EPS8L2: variants seen among roughly 807,000 people sequenced by gnomAD.
EPS8L2 encodes epidermal growth factor receptor kinase substrate 8-like protein 2.
Under a neutral mutation model 99.4 loss-of-function variants are expected in EPS8L2, and 81 were observed. The observed-to-expected ratio is 0.82, with a 90% CI of 0.68 to 0.98. The LOEUF (loss-of-function observed/expected upper bound fraction) is 0.98. Among genes scored for constraint, EPS8L2 ranks in the 50% least tolerant of loss-of-function variants. The pLI is 0.00. For missense variants in EPS8L2, 1,155 were observed against 968.8 expected, an observed-to-expected ratio of 1.19 and a Z score of -2.55; for synonymous variants, 509 against 407.3, an observed-to-expected ratio of 1.25 and a Z score of -3.01.
intron 4 of EPS8L2, among the ~76,000 whole-genome samples, chr11:716,148 T>G (rs1210452915): frequency 5.4e-5 from 8 of 147,864 alleles, no homozygotes; most frequent in Non-Finnish European, 9.0e-5. Flanking sequence ...AATTTTTGTG[T>G]GGGGTTTTTT....
intron 8 of EPS8L2, 37 bp from the exon 9 acceptor site, chr11:721,247 TG>T: frequency 7.2e-6 from 11 of 1,537,190 alleles, no homozygotes; most frequent in Non-Finnish European, 9.6e-6. Flanking sequence ...GGGCTCGTTG[TG>T]GGGGGCTCGG....
intron 4 of EPS8L2, among the ~76,000 whole-genome samples, chr11:715,025 A>C (rs553924064): frequency 2.0e-5 from 3 of 152,012 alleles, no homozygotes; most frequent in South Asian, 2.1e-4. Flanking sequence ...GGCAGATCAC[A>C]AGGTCAGGAG....
At position 724,443 on chromosome 11, in the gene EPS8L2, C is replaced by A. The variant is rs531515289; in HGVS notation, c.1455-281C>A. On this transcript the variant is annotated intron_variant, in intron 15 of 20. Coordinates refer to ENST00000318562, the MANE Select transcript of EPS8L2 (RefSeq NM_022772.4). The surrounding 1 kb of genome is among the most constrained non-coding windows in gnomAD (Gnocchi z 5.5). ...TCCCCTGGGGTGCCGGACTGGAGAC[C>A]CCTGAGGTGGCCTGGGATGGGCCAG... 22 of 470,968 alleles carry A rather than the reference C, an allele frequency of 4.7e-5. No individual in the cohort carries two copies. Among genetic ancestry groups the A allele is most frequent in the South Asian group, 3.6e-4 (16 of 44,800 alleles). 29.2% of individuals were successfully genotyped at this position (470,968 alleles called of 1,614,324 possible). A position where few individuals can be genotyped will look rare whatever the true frequency, so the allele number is the denominator to read the frequency against.
chr11:715,099 A>T (rs1048662891), intron 4 of EPS8L2, among the ~76,000 whole-genome samples: 2 of 152,104 alleles, frequency 1.3e-5, no homozygotes, highest in South Asian at 4.1e-4. Context: ...AAAATTAGCC[A>T]GGTGGGATGG....
chr11:726,248 C>CCGGGGG (rs1025758158), intron 18 of EPS8L2, 56 bp from the exon 19 acceptor site: 14 of 1,568,796 alleles, frequency 8.9e-6, no homozygotes, highest in African/African-American at 1.4e-5. Flanking sequence ...GGTCCCTGGG[C>CCGGGGG]CGGGGGCGGG....
chr11:716,502 C>A (rs933181170), intron 4 of EPS8L2, among the ~76,000 whole-genome samples: 2 of 152,156 alleles, frequency 1.3e-5, no homozygotes, highest in Non-Finnish European at 2.9e-5. Flanking sequence ...AGTGATCCAC[C>A]CTCCTTGGCC....
chr11:723,093 C>G (rs1295818767), intron 14 of EPS8L2, 148 bp from the exon 15 acceptor site: 1 of 575,908 alleles, frequency 1.7e-6, no homozygotes, highest in Non-Finnish European at 3.1e-6. Flanking sequence ...GGAGAGGCAA[C>G]CCATGCTGGC....
chr11:717,878 A>G (rs561821177), intron 4 of EPS8L2, among the ~76,000 whole-genome samples: 38 of 151,994 alleles, frequency 2.5e-4, no homozygotes, highest in East Asian at 1.6e-3. Context: ...GCGTGGTGGC[A>G]GGCGCCTGTA....
chr11:716,701 T>C (rs1348326397), intron 4 of EPS8L2, among the ~76,000 whole-genome samples: 3 of 152,276 alleles, frequency 2.0e-5, no homozygotes, highest in Non-Finnish European at 4.4e-5. Flanking sequence ...ACTTCATCTT[T>C]GATGCATGGG....
chr11:727,143 G>A lies in EPS8L2; in HGVS notation c.*162G>A, dbSNP rs558421911. 2.8e-4 allele frequency: 171 copies of A among 602,962 alleles called. No homozygotes were observed. Among genetic ancestry groups the A allele is most frequent in the Non-Finnish European group, 4.2e-4 (144 of 339,766 alleles). 37.4% of individuals were successfully genotyped at this position (602,962 alleles called of 1,614,324 possible). On this transcript the variant is annotated 3_prime_UTR_variant, in exon 21 of 21. Transcript: ENST00000318562. ...CTGGAGGCACAACGCCCATCCTTAG[G>A]CCAAACAGTACCCAAGGCCTCAGCC...
rs1176009476 is a variant in EPS8L2 at position 727,123 on chromosome 11, G to A, written c.*142G>A. 1.5e-6 allele frequency: 1 copy of A among 648,484 alleles called. No homozygotes were observed. The highest frequency in any genetic ancestry group is 2.7e-6 in the Non-Finnish European group (1 of 371,260). The allele number at this position is 648,484 out of a possible 1,614,324, so 40.2% of individuals were successfully genotyped here. A position where few individuals can be genotyped will look rare whatever the true frequency, so the allele number is the denominator to read the frequency against. ...CTAGAGGTCCCTGCCCCTGTCTGGA[G>A]GCACAACGCCCATCCTTAGGCCAAA... On this transcript the variant is annotated 3_prime_UTR_variant, in exon 21 of 21. Transcript: ENST00000318562.
At position 720,420 on chromosome 11, in the gene EPS8L2, G is replaced by C. The variant is rs547570959; in HGVS notation, c.328-177G>C. 6.4e-5 allele frequency: 75 copies of C among 1,164,860 alleles called. No homozygotes were observed. In the Middle Eastern group the frequency reaches 2.3e-3, roughly 36 times the overall value. The allele number at this position is 1,164,860 out of a possible 1,614,324, so 72.2% of individuals were successfully genotyped here. A position where few individuals can be genotyped will look rare whatever the true frequency, so the allele number is the denominator to read the frequency against. ...GAGTCCAGGGAAGTTTGGAAGCCGGGGTCAGCCTTGCGGTACAGCTGCGGG... is the reference window on the plus strand; with the variant it reads ...GAGTCCAGGGAAGTTTGGAAGCCGGCGTCAGCCTTGCGGTACAGCTGCGGG... On this transcript the variant is annotated intron_variant, in intron 5 of 20. Coordinates refer to ENST00000318562, the MANE Select transcript of EPS8L2 (RefSeq NM_022772.4).
rs1299781998 is a variant in EPS8L2, at chr11:722,699, T to C, written c.1235T>C (p.Val412Ala). 1 of 1,608,366 alleles carries C rather than the reference T, an allele frequency of 6.2e-7. No individual in the cohort carries two copies. The highest frequency in any genetic ancestry group is 1.1e-5 in the South Asian group (1 of 90,290). The change falls in exon 14 of 21, where the codon GTG (valine) becomes GCG (alanine). Residue 412 changes from valine to alanine, a missense_variant. By Grantham distance (64) the Val-to-Ala change is moderately conservative (BLOSUM62 0). Coordinates refer to ENST00000318562, the MANE Select transcript of EPS8L2 (RefSeq NM_022772.4). ...PRSEWPREPQ[V>A]PLYVPKFHSG... is the part of the protein sequence containing the mutation. ...TCCGAGTGGCCGCGGGAGCCACAGGTGCCCCTCTACGTGCCCAAGTTCCAC... is the reference window on the plus strand; with the variant it reads ...TCCGAGTGGCCGCGGGAGCCACAGGCGCCCCTCTACGTGCCCAAGTTCCAC...
chr11:713,356 C>T (rs1203946489), intron 4 of EPS8L2, among the ~76,000 whole-genome samples: 1 of 152,222 alleles, frequency 6.6e-6, no homozygotes, highest in Non-Finnish European at 1.5e-5. Context: ...TCTGGCAACA[C>T]CTGCCTGCCT....
At position 709,419 on chromosome 11, in the gene EPS8L2, CG is replaced by C; in HGVS notation, c.16del (p.Ala6ProfsTer2). The C allele has an allele frequency of 1.9e-6, 3 of 1,591,084 alleles. No individual in the cohort carries two copies. Among genetic ancestry groups the C allele is most frequent in the Non-Finnish European group, 2.6e-6 (3 of 1,170,338 alleles). On this transcript the variant is annotated frameshift_variant, in exon 2 of 21. Coordinates refer to ENST00000318562, the MANE Select transcript of EPS8L2 (RefSeq NM_022772.4). LOFTEE classifies it high-confidence loss of function. MSQS[G>X]AVSCCPGATN... The stretch of plus-strand genomic sequence containing the variant: ...CCACCCAAGACACCATGAGCCAGTC[CG>C]GGGCCGTGAGCTGCTGCCCGGGTGC...
rs1377255155 is a variant in EPS8L2 at position 720,712 on chromosome 11, C to T, written c.443C>T (p.Pro148Leu). ...TGCCAGGACTCGGAGCAGAGCAAGC[C>T]GGATGTCCACTTCTTCCACTGCGAT... ...LVCQDSEQSK[P>L]DVHFFHCDEV... The change falls in exon 6 of 21, where the codon CCG (proline) becomes CTG (leucine). Residue 148 changes from proline (P) to leucine (L), a missense_variant. Coordinates refer to ENST00000318562, the MANE Select transcript of EPS8L2 (RefSeq NM_022772.4). The T allele has an allele frequency of 2.1e-5, 32 of 1,556,134 alleles. No individual in the cohort carries two copies. The highest frequency in any genetic ancestry group is 2.7e-5 in the Non-Finnish European group (31 of 1,148,698).
intron 10 of EPS8L2, 72 bp from the exon 11 acceptor site, chr11:721,831 T>C (rs1862184889): frequency 6.5e-7 from 1 of 1,530,082 alleles, no homozygotes; most frequent in Admixed American, 1.9e-5. Flanking sequence ...ACAGATGGGC[T>C]GCGTGGGACA....
At chr11:719,940 C>T (rs376058695) in intron 4 of EPS8L2, 122 bp from the exon 5 acceptor site, 24 of 934,678 alleles carry the variant, frequency 2.6e-5, no homozygotes, top group South Asian at 3.5e-5. Flanking sequence ...GGCCGGTCCC[C>T]GTTCTAGCCC....
At position 708,946 on chromosome 11, in the gene EPS8L2, C is replaced by A. The variant is rs1231594503; in HGVS notation, c.-78-384C>A. 6 of 140,370 alleles carry A rather than the reference C, an allele frequency of 4.3e-5. No homozygotes were observed. In the South Asian group the frequency reaches 1.4e-3, roughly 32 times the overall value. The allele number at this position is 140,370 out of a possible 1,614,324, so 8.7% of individuals were successfully genotyped here. A position where few individuals can be genotyped will look rare whatever the true frequency, so the allele number is the denominator to read the frequency against. ...CCACCCGCCCTCCCCCAACCCCCAC[C>A]GCACCCCCCTCCCCCCACACTCCCA... On this transcript the variant is annotated intron_variant, in intron 1 of 20. Coordinates refer to ENST00000318562, the MANE Select transcript of EPS8L2 (RefSeq NM_022772.4).
Sources: allele counts gnomAD v4.1 joint callset (sites outside exome capture counted in the v4.1 genomes callset), GRCh38; gene constraint gnomAD v4.1.1; non-coding constraint Gnocchi (gnomAD v3.1); transcripts MANE v1.5; gene names NCBI Gene and HGNC (gene_info 2026-07-23, HGNC 2026-07-21).